Variants in LOC128092253 observed in about 807,000 individuals in gnomAD.
the LOC128092253 span, among the ~76,000 whole-genome samples, chr6:133,958,520 G>A: frequency 6.6e-6 from 1 of 152,290 alleles, no homozygotes; most frequent in South Asian, 2.1e-4. Context: ...AAATACTGAA[G>A]CTACCTAATC....
chr6:133,958,833 CCTT>C, the LOC128092253 span, among the ~76,000 whole-genome samples: 2 of 151,904 alleles, frequency 1.3e-5, no homozygotes, highest in Non-Finnish European at 2.9e-5. Context: ...TGTTATAATT[CCTT>C]CTTCCATGTT....
chr6:133,961,674 C>G, the LOC128092253 span, among the ~76,000 whole-genome samples: 1 of 151,932 alleles, frequency 6.6e-6, no homozygotes, highest in Non-Finnish European at 1.5e-5. Context: ...CCATGTTAAT[C>G]GGGCTGGTCT....
the LOC128092253 span, among the ~76,000 whole-genome samples, chr6:133,968,435 A>G: frequency 6.6e-6 from 1 of 152,212 alleles, no homozygotes; most frequent in Non-Finnish European, 1.5e-5. Context: ...AGTCAGTAAA[A>G]TACACTTTTT....
the LOC128092253 span, among the ~76,000 whole-genome samples, chr6:133,972,200 T>G: frequency 6.6e-6 from 1 of 152,190 alleles, no homozygotes; most frequent in African/African-American, 2.4e-5. Flanking sequence ...TGAGTCTACA[T>G]CTCTAAAAAA....
the LOC128092253 span, among the ~76,000 whole-genome samples, chr6:133,954,466 C>G: frequency 1.3e-5 from 2 of 152,344 alleles, no homozygotes; most frequent in South Asian, 2.1e-4. Context: ...TTAGCACTAT[C>G]TGGTTGAAAG....
the LOC128092253 span, among the ~76,000 whole-genome samples, chr6:133,978,908 A>C: frequency 0.057 from 8,633 of 152,234 alleles, 828 homozygotes; most frequent in African/African-American, 0.2. Context: ...AAACAACTAT[A>C]GTATGTTTTT....
At chr6:133,979,908 A>G in the LOC128092253 span, among the ~76,000 whole-genome samples, 1 of 152,156 alleles carries the variant, frequency 6.6e-6, no homozygotes, top group Admixed American at 6.5e-5. Context: ...TGGCCTCCCA[A>G]AGTGCTGGGA....
At chr6:133,964,874 ACT>A in the LOC128092253 span, among the ~76,000 whole-genome samples, 1 of 152,138 alleles carries the variant, frequency 6.6e-6, no homozygotes, top group Admixed American at 6.5e-5. Context: ...ATGAGGGGTA[ACT>A]CTATAAAAAC....
At chr6:133,954,181 C>T in the LOC128092253 span, among the ~76,000 whole-genome samples, 7 of 152,234 alleles carry the variant, frequency 4.6e-5, no homozygotes, top group Non-Finnish European at 5.9e-5. Context: ...ACTCAAACTG[C>T]AGTCAATCCA....
At chr6:133,973,104 G>T in the LOC128092253 span, among the ~76,000 whole-genome samples, 1 of 152,214 alleles carries the variant, frequency 6.6e-6, no homozygotes, top group Non-Finnish European at 1.5e-5. Context: ...TTGAGAGACT[G>T]TCAAGTAATG....
chr6:133,963,874 C>CAA, the LOC128092253 span, among the ~76,000 whole-genome samples: 60 of 94,426 alleles, frequency 6.4e-4, no homozygotes, highest in African/African-American at 1.9e-3. Flanking sequence ...ACTAAAAATA[C>CAA]AAAAAAAAAA....
chr6:133,958,146 T>C, the LOC128092253 span, among the ~76,000 whole-genome samples: 1 of 152,230 alleles, frequency 6.6e-6, no homozygotes, highest in African/African-American at 2.4e-5. Flanking sequence ...CGACAAAGCC[T>C]GGGCTGGCAC....
chr6:133,978,679 G>T, the LOC128092253 span, among the ~76,000 whole-genome samples: 1 of 151,896 alleles, frequency 6.6e-6, no homozygotes, highest in Non-Finnish European at 1.5e-5. Context: ...TGAAGTTGAG[G>T]TACAATTGAT....
At chr6:133,976,770 C>A in the LOC128092253 span, among the ~76,000 whole-genome samples, 1 of 151,958 alleles carries the variant, frequency 6.6e-6, no homozygotes. Flanking sequence ...CAGTGGCTCA[C>A]GAAGTCAAGA....
chr6:133,979,731 C>T, the LOC128092253 span, among the ~76,000 whole-genome samples: 1,280 of 152,096 alleles, frequency 8.4e-3, 38 homozygotes, highest in Admixed American at 0.062. Flanking sequence ...ACTGCAACCT[C>T]CGCCTCCCAG....
chr6:133,975,504 C>G, the LOC128092253 span, among the ~76,000 whole-genome samples: 2 of 152,008 alleles, frequency 1.3e-5, no homozygotes, highest in Non-Finnish European at 2.9e-5. Flanking sequence ...AACCTGTCTT[C>G]CTGAGAATTA....
At chr6:133,960,624 C>G in the LOC128092253 span, among the ~76,000 whole-genome samples, 15 of 152,076 alleles carry the variant, frequency 9.9e-5, no homozygotes, top group Non-Finnish European at 2.1e-4. Context: ...TTTCAAATGC[C>G]TGAAACAATA....
chr6:133,960,437 A>G, the LOC128092253 span, among the ~76,000 whole-genome samples: 2 of 112,812 alleles, frequency 1.8e-5, no homozygotes, highest in African/African-American at 7.6e-5. Context: ...TTTTTTTTTT[A>G]ATTTTAAGAA....
At chr6:133,965,291 G>A in the LOC128092253 span, among the ~76,000 whole-genome samples, 1 of 152,078 alleles carries the variant, frequency 6.6e-6, no homozygotes, top group Non-Finnish European at 1.5e-5. Flanking sequence ...CCGTAATATG[G>A]GAAGTAGGGG....
Sources: gnomAD v4.1 joint callset for allele counts (sites outside exome capture counted in the v4.1 genomes callset) on GRCh38, gnomAD v4.1.1 for gene constraint, MANE v1.5 for transcripts.